Variants in AGBL4 observed in about 807,000 individuals in gnomAD.
AGBL4 encodes AGBL carboxypeptidase 4.
AGBL4 carries 58 observed loss-of-function variants against 66.4 expected under a neutral mutation model. That is an observed-to-expected ratio of 0.87 (90% confidence interval 0.71 to 1.09). The LOEUF (loss-of-function observed/expected upper bound fraction) is 1.09, where lower values mean the gene tolerates loss of function less well. AGBL4 is among the 50% of genes least tolerant of loss of function. AGBL4 has a pLI of 0.00. For missense variants in AGBL4, 579 were observed against 631.0 expected (o/e 0.92, Z 0.88); for synonymous variants, 234 against 222.9 (o/e 1.05, Z -0.44).
chr1:49,312,888 T>C (rs1249912120), intron 3 of AGBL4, among the ~76,000 whole-genome samples: 1 of 152,074 alleles, frequency 6.6e-6, no homozygotes, highest in African/African-American at 2.4e-5. Flanking sequence ...TTTTTTTACA[T>C]ACTTTTTTTA....
intron 4 of AGBL4, among the ~76,000 whole-genome samples, chr1:49,179,336 G>T (rs1175747237): frequency 1.3e-5 from 2 of 152,090 alleles, no homozygotes. Flanking sequence ...ACATAGTAAT[G>T]AATTATATAT....
chr1:49,051,897 T>C (rs976053454), intron 4 of AGBL4, among the ~76,000 whole-genome samples: 1 of 152,094 alleles, frequency 6.6e-6, no homozygotes, highest in Non-Finnish European at 1.5e-5. Context: ...TTACACCCAG[T>C]GTCTAATCAG....
intron 4 of AGBL4, among the ~76,000 whole-genome samples, chr1:49,220,083 C>T (rs1649384184): frequency 6.6e-6 from 1 of 152,008 alleles, no homozygotes; most frequent in Non-Finnish European, 1.5e-5. Flanking sequence ...ACAAAAAGTT[C>T]AACTTGATTA....
chr1:48,787,031 C>T (rs565000265), intron 6 of AGBL4, among the ~76,000 whole-genome samples: 19 of 152,206 alleles, frequency 1.2e-4, no homozygotes, highest in African/African-American at 4.3e-4. Context: ...GACGTAGGTA[C>T]TATTATTATT....
At chr1:49,166,663 T>C (rs1646641227) in intron 4 of AGBL4, among the ~76,000 whole-genome samples, 1 of 152,134 alleles carries the variant, frequency 6.6e-6, no homozygotes, top group South Asian at 2.1e-4. Flanking sequence ...ACTAGTCCTC[T>C]TTACATCCTT....
At chr1:49,064,675 G>A (rs1164235705) in intron 4 of AGBL4, among the ~76,000 whole-genome samples, 1 of 151,866 alleles carries the variant, frequency 6.6e-6, no homozygotes, top group Non-Finnish European at 1.5e-5. Flanking sequence ...CAAAATAATT[G>A]GAGACAATGA....
rs185625951 is a variant in AGBL4, at chr1:49,528,668, G to T, written c.282+168645C>A. On this transcript the variant is annotated intron_variant, in intron 3 of 13. Transcript: ENST00000371839. Reference sequence around the variant, plus strand: ...ACAAACGTTTAGGTGGTACCCAAGGGTTTAGGTGATCAGGAAAAAATTTCC... The same window carrying T: ...ACAAACGTTTAGGTGGTACCCAAGGTTTTAGGTGATCAGGAAAAAATTTCC... Among the ~76,000 whole-genome samples, 1,238 of 152,154 alleles carry T rather than the reference G, an allele frequency of 8.1e-3. 9 individuals carry two copies. Among genetic ancestry groups the T allele is most frequent in the Middle Eastern group, 0.014 (4 of 294 alleles).
chr1:48,870,812 G>A (rs950441332), intron 5 of AGBL4, among the ~76,000 whole-genome samples: 3 of 152,164 alleles, frequency 2.0e-5, no homozygotes, highest in African/African-American at 4.8e-5. Context: ...AGTGGCACAA[G>A]CAGATATGCG....
chr1:48,692,563 C>T (rs1646650063), intron 6 of AGBL4, among the ~76,000 whole-genome samples: 1 of 152,202 alleles, frequency 6.6e-6, no homozygotes, highest in Admixed American at 6.5e-5. Flanking sequence ...ACAACTAGGA[C>T]CCCTCTTCCC....
intron 6 of AGBL4, among the ~76,000 whole-genome samples, chr1:48,754,216 C>T (rs1652179270): frequency 6.6e-6 from 1 of 152,140 alleles, no homozygotes; most frequent in African/African-American, 2.4e-5. Flanking sequence ...CAAGAGAGAC[C>T]CTAGAATTTA....
rs186665479 is a variant in AGBL4, at chr1:48,950,290, G to T, written c.595-83060C>A. Reference sequence around the variant, plus strand: ...TTTTTGTATCTTTAGTAGAAAGGGGGTGTTTCACCATGTTGACCAGGCTGG... The same window carrying T: ...TTTTTGTATCTTTAGTAGAAAGGGGTTGTTTCACCATGTTGACCAGGCTGG... On this transcript the variant is annotated intron_variant, in intron 5 of 13. Transcript: ENST00000371839. Among the ~76,000 whole-genome samples the T allele has an allele frequency of 2.5e-3, 375 of 152,018 alleles. 3 individuals carry two copies. Among genetic ancestry groups the T allele is most frequent in the African/African-American group, 8.7e-3 (360 of 41,448 alleles).
chr1:48,571,366 G>A (rs1341941732), intron 11 of AGBL4, among the ~76,000 whole-genome samples: 1 of 152,216 alleles, frequency 6.6e-6, no homozygotes, highest in Non-Finnish European at 1.5e-5. Flanking sequence ...TCCATAGCTG[G>A]GCTGAAAGAT....
chr1:49,705,747 T>TA (rs1473959380), intron 2 of AGBL4, among the ~76,000 whole-genome samples: 6 of 152,158 alleles, frequency 3.9e-5, no homozygotes. Context: ...GTTTTTTTTT[T>TA]ACCATGAAAG....
chr1:48,752,056 A>G (rs1291881952), intron 6 of AGBL4, among the ~76,000 whole-genome samples: 2 of 152,190 alleles, frequency 1.3e-5, no homozygotes, highest in Non-Finnish European at 2.9e-5. Flanking sequence ...ATTAAGCAGG[A>G]TACAACAGTT....
intron 4 of AGBL4, among the ~76,000 whole-genome samples, chr1:49,069,245 A>G (rs911636262): frequency 2.0e-5 from 3 of 152,040 alleles, no homozygotes; most frequent in Non-Finnish European, 2.9e-5. Context: ...ATTAGATCCC[A>G]TTTGTCTATT....
At chr1:49,971,088 T>G (rs1658042008) in intron 1 of AGBL4, among the ~76,000 whole-genome samples, 1 of 152,210 alleles carries the variant, frequency 6.6e-6, no homozygotes, top group Non-Finnish European at 1.5e-5. Flanking sequence ...TTGAACACAT[T>G]ACACTAGTTC....
intron 3 of AGBL4, chr1:49,269,378 T>C (rs1644004178): frequency 6.6e-6 from 1 of 152,224 alleles, no homozygotes; most frequent in South Asian, 2.1e-4. Flanking sequence ...TATTTTGAGA[T>C]GGCTGTTCAA....
chr1:49,992,267 G>A (rs1336944663), intron 1 of AGBL4, among the ~76,000 whole-genome samples: 1 of 151,922 alleles, frequency 6.6e-6, no homozygotes, highest in Non-Finnish European at 1.5e-5. Context: ...AGCTACTCAG[G>A]AGGCTGAGGC....
At chr1:49,174,837 A>G (rs1345805670) in intron 4 of AGBL4, 2 of 151,512 alleles carry the variant, frequency 1.3e-5, no homozygotes, top group Admixed American at 1.3e-4. Context: ...ATGGCAGGGA[A>G]AAAAAAACAC....
Sources: allele counts gnomAD v4.1 joint callset (sites outside exome capture counted in the v4.1 genomes callset), GRCh38; gene constraint gnomAD v4.1.1; transcripts MANE v1.5; gene names NCBI Gene and HGNC (gene_info 2026-07-23, HGNC 2026-07-21).